Variants in CNOT2 observed in about 807,000 individuals in gnomAD.
CNOT2 encodes CCR4-NOT transcription complex subunit 2.
In CNOT2, 7 loss-of-function variants were observed where a neutral mutation model predicts 72.1. That is an observed-to-expected ratio of 0.10 (90% confidence interval 0.06 to 0.18). The LOEUF is 0.18. Among genes scored for constraint, CNOT2 ranks in the 10% least tolerant of loss-of-function variants. The probability of loss-of-function intolerance (pLI) is 1.00; values close to 1 mark genes in which losing one functional copy is unlikely to be tolerated. For synonymous variants in CNOT2, 196 were observed against 225.6 expected (o/e 0.87, Z 1.17); for missense variants, 345 against 660.3 (o/e 0.52, Z 5.23).
rs1287578051 is a variant in CNOT2 at position 70,265,603 on chromosome 12, TTTTG to T, written c.-95-12525_-95-12522del. On this transcript the variant is annotated intron_variant, in intron 1 of 15. Coordinates refer to ENST00000229195, the MANE Select transcript of CNOT2 (RefSeq NM_014515.7). ...TCCTTTTAAAGAATTAGATTTTCTG[TTTTG>T]TTTAATTCTTTTTTTCAATTTCTGT... Among the ~76,000 whole-genome samples the T allele has an allele frequency of 3.9e-5, 6 of 152,202 alleles. No homozygotes were observed. In the East Asian group the frequency reaches 9.6e-4, roughly 24 times the overall value.
intron 1 of CNOT2, among the ~76,000 whole-genome samples, chr12:70,253,173 A>G (rs893689972): frequency 6.6e-6 from 1 of 152,230 alleles, no homozygotes; most frequent in Non-Finnish European, 1.5e-5. Flanking sequence ...TTCCTGTGTT[A>G]AGTGGGATAA....
intron 3 of CNOT2, among the ~76,000 whole-genome samples, chr12:70,314,463 C>T (rs1876982544): frequency 6.6e-6 from 1 of 151,936 alleles, no homozygotes; most frequent in Non-Finnish European, 1.5e-5. Context: ...GTAATTAAGA[C>T]AGACTGTAGA....
chr12:70,336,823 G>A (rs530375132), intron 8 of CNOT2: 5 of 152,234 alleles, frequency 3.3e-5, no homozygotes, highest in African/African-American at 1.2e-4. Context: ...CCCCAAACTG[G>A]ATATTGTTCT....
In CNOT2 at chr12:70,298,123, G is replaced by A. The variant is rs187927105; in HGVS notation, c.49-12772G>A. Among the ~76,000 whole-genome samples the A allele has an allele frequency of 4.6e-5, 7 of 152,296 alleles. No individual in the cohort carries two copies. In the East Asian group the frequency reaches 1.3e-3, roughly 29 times the overall value. ...TAATGCAACTTTCTGTAAAATACATGTGATTAGTCTTGTAGAGACTGGCTT... is the reference window on the plus strand; with the variant it reads ...TAATGCAACTTTCTGTAAAATACATATGATTAGTCTTGTAGAGACTGGCTT... On this transcript the variant is annotated intron_variant, in intron 2 of 15. Coordinates refer to ENST00000229195, the MANE Select transcript of CNOT2 (RefSeq NM_014515.7).
In CNOT2 at chr12:70,310,185, T is replaced by C. The variant is rs146683153; in HGVS notation, c.49-710T>C. Among the ~76,000 whole-genome samples the C allele has an allele frequency of 2.2e-3, 339 of 152,164 alleles. 3 individuals are homozygous for C. Among genetic ancestry groups the C allele is most frequent in the African/African-American group, 8.0e-3 (333 of 41,552 alleles). On this transcript the variant is annotated intron_variant, in intron 2 of 15. Coordinates refer to ENST00000229195, the MANE Select transcript of CNOT2 (RefSeq NM_014515.7). Reference sequence around the variant, plus strand: ...AGCATCCGTGGATTTTATTTTTTAATCCATGAGGGGAGAGGTCCTAGAACC... The same window carrying C: ...AGCATCCGTGGATTTTATTTTTTAACCCATGAGGGGAGAGGTCCTAGAACC...
chr12:70,253,624 T>G (rs1481486659), intron 1 of CNOT2, among the ~76,000 whole-genome samples: 2 of 152,148 alleles, frequency 1.3e-5, no homozygotes, highest in African/African-American at 2.4e-5. Context: ...ACAAATCAAT[T>G]AGTATTGAAG....
At chr12:70,338,259 A>G in intron 9 of CNOT2, 184 bp from the exon 10 acceptor site, 1 of 484,328 alleles carries the variant, frequency 2.1e-6, no homozygotes, top group Non-Finnish European at 3.6e-6. Context: ...TGTGGATGAT[A>G]TAGGATTTAT....
chr12:70,331,774 G>A (rs1487826320), intron 6 of CNOT2: 3 of 151,578 alleles, frequency 2.0e-5, no homozygotes, highest in African/African-American at 4.8e-5. Flanking sequence ...TTCACTATAG[G>A]TTTATAGATT....
chr12:70,340,085 CAA>C (rs1469037778), intron 11 of CNOT2, among the ~76,000 whole-genome samples: 2 of 152,174 alleles, frequency 1.3e-5, no homozygotes, highest in African/African-American at 4.8e-5. Flanking sequence ...CGAAACTTTT[CAA>C]AGAGTCATCT....
At chr12:70,350,098 C>T (rs1335394633) in intron 15 of CNOT2, among the ~76,000 whole-genome samples, 1 of 151,866 alleles carries the variant, frequency 6.6e-6, no homozygotes, top group Non-Finnish European at 1.5e-5. Context: ...TGTCGTTTTG[C>T]TGGAATTACT....
intron 3 of CNOT2, among the ~76,000 whole-genome samples, chr12:70,312,833 A>T (rs1237341563): frequency 6.6e-6 from 1 of 151,984 alleles, no homozygotes; most frequent in Non-Finnish European, 1.5e-5. Context: ...TTACTTTTTT[A>T]AAATTACAAA....
At chr12:70,249,136 T>A (rs1958021828) in intron 1 of CNOT2, among the ~76,000 whole-genome samples, 1 of 151,964 alleles carries the variant, frequency 6.6e-6, no homozygotes, top group African/African-American at 2.4e-5. Flanking sequence ...AGAGGAGCAT[T>A]TGGTTTTGTG....
chr12:70,296,416 T>G (rs964374198), intron 2 of CNOT2, among the ~76,000 whole-genome samples: 2 of 152,114 alleles, frequency 1.3e-5, no homozygotes, highest in African/African-American at 4.8e-5. Flanking sequence ...TTGAGGCCTT[T>G]TTTGCTTATT....
intron 4 of CNOT2, chr12:70,323,344 A>G (rs940724866): frequency 2.6e-5 from 4 of 151,740 alleles, no homozygotes; most frequent in African/African-American, 9.7e-5. Flanking sequence ...TAAATCTTGA[A>G]TGCATGATGA....
In CNOT2 at chr12:70,274,384, A is replaced by G. The variant is rs1868406557; in HGVS notation, c.-95-3748A>G. Among the ~76,000 whole-genome samples, 4 of 152,164 alleles carry G rather than the reference A, an allele frequency of 2.6e-5. No homozygotes were observed. In the South Asian group the frequency reaches 8.3e-4, roughly 32 times the overall value. On this transcript the variant is annotated intron_variant, in intron 1 of 15. Transcript: ENST00000229195. ...TCCAGTGAAATCGGTCACATCTTGT[A>G]GTTTGTCCTAATTAATAGCCACCCC...
intron 5 of CNOT2, 58 bp from the exon 6 acceptor site, chr12:70,330,229 G>T: frequency 1.3e-6 from 1 of 778,758 alleles, no homozygotes; most frequent in South Asian, 2.3e-5. Context: ...ATTATTTAAA[G>T]AGAATTTTAA....
intron 14 of CNOT2, 31 bp downstream of exon 14, chr12:70,344,259 A>G: frequency 8.2e-6 from 11 of 1,336,210 alleles, no homozygotes; most frequent in Non-Finnish European, 1.2e-5. Context: ...TCACTTTTGT[A>G]TTATAGTGGA....
chr12:70,285,232 C>T (rs772117803), intron 2 of CNOT2, among the ~76,000 whole-genome samples: 129 of 150,170 alleles, frequency 8.6e-4, no homozygotes, highest in Admixed American at 3.1e-3. Flanking sequence ...TTTTTTTAGA[C>T]GAACTCTTGC....
intron 2 of CNOT2, among the ~76,000 whole-genome samples, chr12:70,291,854 G>A (rs1344894071): frequency 6.6e-6 from 1 of 152,090 alleles, no homozygotes; most frequent in African/African-American, 2.4e-5. Flanking sequence ...GGAGAATGGC[G>A]TGAACCAGGG....
Sources: allele counts gnomAD v4.1 joint callset (sites outside exome capture counted in the v4.1 genomes callset), GRCh38; gene constraint gnomAD v4.1.1; transcripts MANE v1.5; gene names NCBI Gene and HGNC (gene_info 2026-07-23, HGNC 2026-07-21).